The following PYGO1 variants were observed in gnomAD, a reference collection of about 807,000 sequenced individuals.
The protein encoded by PYGO1 is pygopus homolog 1.
Under a neutral mutation model 29.5 loss-of-function variants are expected in PYGO1, and 6 were observed. The observed-to-expected ratio is 0.20, with a 90% CI of 0.11 to 0.40. The LOEUF is 0.40. Ranked by LOEUF, PYGO1 falls within the 10% of genes least tolerant of loss-of-function variation. The probability of loss-of-function intolerance (pLI) is 1.00; values close to 1 mark genes in which losing one functional copy is unlikely to be tolerated. For missense variants in PYGO1, 515 were observed against 514.9 expected, an observed-to-expected ratio of 1.00 and a Z score of 0.00; for synonymous variants, 186 against 180.5, an observed-to-expected ratio of 1.03 and a Z score of -0.24.
intron 1 of PYGO1, among the ~76,000 whole-genome samples, chr15:55,566,536 C>T (rs1359482187): frequency 6.6e-6 from 1 of 151,996 alleles, no homozygotes. Flanking sequence ...GTGCCATGTA[C>T]ATGTGATTAT....
rs76805090 is a variant in PYGO1 at position 55,582,844 on chromosome 15, C to A, written c.49+4991G>T. ...TTCAGACTTTCTCTCACAGGCTCTT[C>A]CCCAACCCCCAATTTGTGACTGCAT... On this transcript the variant is annotated intron_variant, in intron 1 of 2. Coordinates refer to ENST00000563719, the MANE Select transcript of PYGO1 (RefSeq NM_001367806.1). Among the ~76,000 whole-genome samples, 617 of 152,254 alleles carry A rather than the reference C, an allele frequency of 4.1e-3. 18 individuals are homozygous for A. The East Asian group carries it at 0.068, about 17-fold the overall frequency.
At chr15:55,576,694 C>T (rs2059003832) in intron 1 of PYGO1, among the ~76,000 whole-genome samples, 1 of 135,756 alleles carries the variant, frequency 7.4e-6, no homozygotes. Flanking sequence ...TCGCTTGAAC[C>T]CGGGAGGTGG....
chr15:55,587,545 T>C (rs1385689227), intron 1 of PYGO1, among the ~76,000 whole-genome samples: 4 of 151,398 alleles, frequency 2.6e-5, no homozygotes, highest in African/African-American at 9.7e-5. Context: ...TGTGCTGTCT[T>C]GAGAACGAGG....
At position 55,570,524 on chromosome 15, in the gene PYGO1, T is replaced by TAA. The variant is rs11409320; in HGVS notation, c.49+17309_49+17310dup. On this transcript the variant is annotated intron_variant, in intron 1 of 2. Transcript: ENST00000563719. ...TGATTTATGGAAGCTTTTCATATACTAAAAAAAAAAACTGAACATATTTAA... is the reference window on the plus strand; with the variant it reads ...TGATTTATGGAAGCTTTTCATATACTAAAAAAAAAAAAACTGAACATATTTAA... 9.4e-3 allele frequency among the ~76,000 whole-genome samples: 1,397 copies of TAA among 148,864 alleles called. 10 individuals are homozygous for TAA. Among genetic ancestry groups the TAA allele is most frequent in the Non-Finnish European group, 0.012 (774 of 66,948 alleles).
At chr15:55,579,409 T>C (rs1008772575) in intron 1 of PYGO1, among the ~76,000 whole-genome samples, 4 of 152,230 alleles carry the variant, frequency 2.6e-5, no homozygotes, top group Non-Finnish European at 5.9e-5. Flanking sequence ...AGTATTTCAT[T>C]TTAACAAAAG....
rs58177433 is a variant in PYGO1, at chr15:55,568,320, C to CTGTGTGTGTGTGTGTGTG, written c.50-19343_50-19326dup. Among the ~76,000 whole-genome samples, 777 of 125,890 alleles carry CTGTGTGTGTGTGTGTGTG rather than the reference C, an allele frequency of 6.2e-3. 22 individuals carry two copies. Among genetic ancestry groups the CTGTGTGTGTGTGTGTGTG allele is most frequent in the African/African-American group, 0.018 (559 of 31,372 alleles). 82.6% of individuals were successfully genotyped at this position (125,890 alleles called of 152,430 possible). On this transcript the variant is annotated intron_variant, in intron 1 of 2. Coordinates refer to ENST00000563719, the MANE Select transcript of PYGO1 (RefSeq NM_001367806.1). ...ATGGTTAAGACGTATTTCCTAGGTA[C>CTGTGTGTGTGTGTGTGTG]TGTGTGTGTGTGTGTGTGTGTGTGT...
chr15:55,588,440 G>A (rs1290573986), upstream of PYGO1, among the ~76,000 whole-genome samples: 1 of 148,296 alleles, frequency 6.7e-6, no homozygotes, highest in Non-Finnish European at 1.5e-5. Flanking sequence ...GAGCTCCCCA[G>A]CCCCGCGCGG....
chr15:55,558,230 G>C (rs1326294222), intron 1 of PYGO1, among the ~76,000 whole-genome samples: 8 of 152,134 alleles, frequency 5.3e-5, no homozygotes, highest in Non-Finnish European at 1.0e-4. Flanking sequence ...GCCAAATCAT[G>C]AGTGAACTCT....
At position 55,544,057 on chromosome 15, in the gene PYGO1, ATT is replaced by A. The variant is rs2058839186; in HGVS notation, c.*1964_*1965del. 1.3e-5 allele frequency: 2 copies of A among 152,150 alleles called. No individual in the cohort carries two copies. The highest frequency in any genetic ancestry group is 4.1e-4 in the South Asian group (2 of 4,836). The allele number at this position is 152,150 out of a possible 1,614,324, so 9.4% of individuals were successfully genotyped here. A position where few individuals can be genotyped will look rare whatever the true frequency, so the allele number is the denominator to read the frequency against. On this transcript the variant is annotated 3_prime_UTR_variant, in exon 3 of 3. Coordinates refer to ENST00000563719, the MANE Select transcript of PYGO1 (RefSeq NM_001367806.1). Reference sequence around the variant, plus strand: ...AGTACCTAGAAGTATAGTTTATATCATTTTGTTTCCTAAAATTGTAAAGATAA... The same window carrying A: ...AGTACCTAGAAGTATAGTTTATATCATTGTTTCCTAAAATTGTAAAGATAA...
chr15:55,562,192 A>T (rs995653365), intron 1 of PYGO1, among the ~76,000 whole-genome samples: 1 of 152,198 alleles, frequency 6.6e-6, no homozygotes, highest in Non-Finnish European at 1.5e-5. Flanking sequence ...GAAACAACAG[A>T]TGCTGGCAAG....
intron 2 of PYGO1, among the ~76,000 whole-genome samples, chr15:55,547,933 T>C (rs956075987): frequency 6.6e-6 from 1 of 152,260 alleles, no homozygotes; most frequent in African/African-American, 2.4e-5. Flanking sequence ...GTTAAAATTG[T>C]TACTATATAT....
intron 1 of PYGO1, among the ~76,000 whole-genome samples, chr15:55,585,607 T>C (rs1242599234): frequency 6.6e-6 from 1 of 152,212 alleles, no homozygotes; most frequent in African/African-American, 2.4e-5. Context: ...GGTACTTAAC[T>C]CTCAGAATAT....
intron 1 of PYGO1, among the ~76,000 whole-genome samples, chr15:55,575,099 C>T (rs1159088967): frequency 6.6e-6 from 1 of 152,152 alleles, no homozygotes; most frequent in East Asian, 1.9e-4. Flanking sequence ...CTAACTTGCC[C>T]AAGGTCACAG....
chr15:55,581,017 A>T (rs1333563078), intron 1 of PYGO1, among the ~76,000 whole-genome samples: 1 of 152,238 alleles, frequency 6.6e-6, no homozygotes, highest in Admixed American at 6.5e-5. Flanking sequence ...AAAAGTAATA[A>T]TTCCTCCCTG....
intron 1 of PYGO1, among the ~76,000 whole-genome samples, chr15:55,558,737 G>C (rs551529732): frequency 1.4e-4 from 21 of 152,086 alleles, no homozygotes; most frequent in African/African-American, 4.6e-4. Context: ...ATGGGGAAAG[G>C]ATTCCCTATT....
intron 1 of PYGO1, among the ~76,000 whole-genome samples, chr15:55,557,338 G>C (rs28788548): frequency 0.028 from 4,318 of 152,218 alleles, 202 homozygotes; most frequent in African/African-American, 0.099. Flanking sequence ...CTCTGAAATT[G>C]AGGCAATAAT....
At chr15:55,574,521 A>T (rs1030510903) in intron 1 of PYGO1, among the ~76,000 whole-genome samples, 1 of 152,164 alleles carries the variant, frequency 6.6e-6, no homozygotes, top group South Asian at 2.1e-4. Context: ...GTCATGACAG[A>T]CTTAACTTTT....
rs141530042 is a variant in PYGO1, at chr15:55,545,800, ATTTAT to A, written c.*218_*222del. The A allele has an allele frequency of 1.9e-4, 77 of 398,208 alleles. No homozygotes were observed. Among genetic ancestry groups the A allele is most frequent in the African/African-American group, 1.5e-3 (75 of 48,586 alleles). 24.7% of individuals were successfully genotyped at this position (398,208 alleles called of 1,614,324 possible). A position where few individuals can be genotyped will look rare whatever the true frequency, so the allele number is the denominator to read the frequency against. ...TTTGTGATAAATAACAACAACTAAC[ATTTAT>A]TTATGTTTCTAAAGCACCCCCATAT... On this transcript the variant is annotated 3_prime_UTR_variant, in exon 3 of 3. Coordinates refer to ENST00000563719, the MANE Select transcript of PYGO1 (RefSeq NM_001367806.1).
chr15:55,566,537 A>G (rs1452812080), intron 1 of PYGO1, among the ~76,000 whole-genome samples: 1 of 152,016 alleles, frequency 6.6e-6, no homozygotes, highest in African/African-American at 2.4e-5. Context: ...TGCCATGTAC[A>G]TGTGATTATG....
Sources: allele counts gnomAD v4.1 joint callset (sites outside exome capture counted in the v4.1 genomes callset), GRCh38; gene constraint gnomAD v4.1.1; transcripts MANE v1.5; gene names NCBI Gene and HGNC (gene_info 2026-07-23, HGNC 2026-07-21).